ARB2A: variants seen among roughly 807,000 people sequenced by gnomAD.
The protein encoded by ARB2A is ARB2 cotranscriptional regulator A.
chr5:93,723,212 C>T, the ARB2A span, among the ~76,000 whole-genome samples: 1 of 152,120 alleles, frequency 6.6e-6, no homozygotes, highest in African/African-American at 2.4e-5. Flanking sequence ...ATCTCACCAG[C>T]TAAGGCAACA....
At chr5:93,867,607 G>A in the ARB2A span, among the ~76,000 whole-genome samples, 10 of 151,860 alleles carry the variant, frequency 6.6e-5, no homozygotes, top group African/African-American at 2.2e-4. Flanking sequence ...GAGTAGAGAC[G>A]GGGTTTCACC....
At chr5:93,683,808 C>A in the ARB2A span, 3 of 1,094,390 alleles carry the variant, frequency 2.7e-6, no homozygotes, top group African/African-American at 3.2e-5. Flanking sequence ...CGGAATCACA[C>A]CAGGCAAAAA....
chr5:93,999,660 C>A, the ARB2A span, among the ~76,000 whole-genome samples: 1 of 151,898 alleles, frequency 6.6e-6, no homozygotes, highest in East Asian at 1.9e-4. Context: ...TGATGATAAG[C>A]CTACATTGAG....
the ARB2A span, among the ~76,000 whole-genome samples, chr5:93,883,318 T>C: frequency 1.3e-5 from 2 of 151,602 alleles, no homozygotes; most frequent in Admixed American, 1.3e-4. Flanking sequence ...GATGTTCAAA[T>C]AAAGCTTTTA....
the ARB2A span, among the ~76,000 whole-genome samples, chr5:93,661,561 G>A: frequency 2.0e-5 from 3 of 152,012 alleles, no homozygotes; most frequent in African/African-American, 4.8e-5. Flanking sequence ...TATCAGGGGT[G>A]TCCAATCTTT....
the ARB2A span, among the ~76,000 whole-genome samples, chr5:93,847,680 A>T: frequency 6.6e-6 from 1 of 152,204 alleles, no homozygotes; most frequent in Non-Finnish European, 1.5e-5. Flanking sequence ...TGGATCAAGC[A>T]CTTTACAGGT....
chr5:93,852,751 G>A, the ARB2A span, among the ~76,000 whole-genome samples: 4 of 152,104 alleles, frequency 2.6e-5, no homozygotes, highest in African/African-American at 9.7e-5. Flanking sequence ...GTTTGTCAAA[G>A]ATCAGATAGT....
At chr5:93,878,239 G>A in the ARB2A span, among the ~76,000 whole-genome samples, 1 of 150,762 alleles carries the variant, frequency 6.6e-6, no homozygotes, top group Admixed American at 6.6e-5. Context: ...TAGTTGTAGT[G>A]AGGGGTTTTA....
chr5:93,631,805 G>C, the ARB2A span, among the ~76,000 whole-genome samples: 1 of 151,272 alleles, frequency 6.6e-6, no homozygotes, highest in Non-Finnish European at 1.5e-5. Context: ...GATAGGGAGA[G>C]GGGGAGAGGG....
the ARB2A span, among the ~76,000 whole-genome samples, chr5:94,081,590 C>G: frequency 2.0e-5 from 3 of 151,804 alleles, no homozygotes; most frequent in Non-Finnish European, 2.9e-5. Context: ...AAGCCAATTA[C>G]CAAAAAAAAC....
At chr5:93,916,897 G>GAA in the ARB2A span, among the ~76,000 whole-genome samples, 1 of 152,170 alleles carries the variant, frequency 6.6e-6, no homozygotes, top group Non-Finnish European at 1.5e-5. Context: ...AGCAGCAAAT[G>GAA]AAATTTTACA....
At chr5:94,000,240 T>G in the ARB2A span, among the ~76,000 whole-genome samples, 1 of 152,116 alleles carries the variant, frequency 6.6e-6, no homozygotes, top group Non-Finnish European at 1.5e-5. Context: ...AGAGCCAAAC[T>G]ATCTTCCAAT....
At chr5:93,769,065 GGTAA>G in the ARB2A span, among the ~76,000 whole-genome samples, 3 of 151,558 alleles carry the variant, frequency 2.0e-5, no homozygotes, top group South Asian at 2.1e-4. Flanking sequence ...TATATAAACG[GGTAA>G]GTAACATTCA....
At chr5:93,959,443 TTGTA>T in the ARB2A span, among the ~76,000 whole-genome samples, 1 of 152,020 alleles carries the variant, frequency 6.6e-6, no homozygotes, top group African/African-American at 2.4e-5. Context: ...AAGTCTATAG[TTGTA>T]TAACAGAAAT....
the ARB2A span, among the ~76,000 whole-genome samples, chr5:93,921,150 A>AC: frequency 2.8e-5 from 4 of 140,410 alleles, no homozygotes; most frequent in Admixed American, 2.2e-4. Context: ...CAGTGTAAAG[A>AC]CCATGTTAAA....
chr5:93,912,174 T>C, the ARB2A span, among the ~76,000 whole-genome samples: 4 of 151,766 alleles, frequency 2.6e-5, no homozygotes, highest in African/African-American at 9.7e-5. Context: ...TCAGTTGGAA[T>C]AAGCTCTGAG....
At chr5:94,079,000 T>C in the ARB2A span, among the ~76,000 whole-genome samples, 1 of 152,188 alleles carries the variant, frequency 6.6e-6, no homozygotes, top group East Asian at 1.9e-4. Flanking sequence ...AACTAATTTG[T>C]GCTCAAACTG....
chr5:93,640,374 G>A, the ARB2A span, among the ~76,000 whole-genome samples: 4 of 151,316 alleles, frequency 2.6e-5, no homozygotes, highest in Non-Finnish European at 4.4e-5. Context: ...GCTTGAACCC[G>A]TGAGGCAGAG....
chr5:93,722,013 C>T, the ARB2A span, among the ~76,000 whole-genome samples: 8 of 152,162 alleles, frequency 5.3e-5, no homozygotes, highest in Non-Finnish European at 1.5e-5. Context: ...CTCACTTTCT[C>T]TATTTGCCTA....
Sources: gnomAD v4.1 joint callset for allele counts (sites outside exome capture counted in the v4.1 genomes callset) on GRCh38, gnomAD v4.1.1 for gene constraint, MANE v1.5 for transcripts, NCBI Gene and HGNC (gene_info 2026-07-23, HGNC 2026-07-21) for gene names.